GCNT1: variants seen among roughly 807,000 people sequenced by gnomAD.
GCNT1 encodes beta-1,3-galactosyl-O-glycosyl-glycoprotein beta-1,6-N-acetylglucosaminyltransferase.
A neutral mutation model predicts 26.2 loss-of-function variants in GCNT1; 16 were observed. The observed-to-expected ratio is 0.61, with a 90% CI of 0.41 to 0.93. The LOEUF (loss-of-function observed/expected upper bound fraction) is 0.93. Among genes scored for constraint, GCNT1 ranks in the 40% least tolerant of loss-of-function variants. The probability of loss-of-function intolerance (pLI) is 0.00; values close to 1 mark genes in which losing one functional copy is unlikely to be tolerated. For synonymous variants in GCNT1, 183 were observed against 190.8 expected (o/e 0.96, Z 0.34); for missense variants, 477 against 526.7 (o/e 0.91, Z 0.92).
intron 1 of GCNT1, among the ~76,000 whole-genome samples, chr9:76,425,148 A>C (rs1823244035): frequency 6.6e-6 from 1 of 150,852 alleles, no homozygotes; most frequent in African/African-American, 2.5e-5. Context: ...AAAAAAAAAA[A>C]AAAAAAAAAA....
the GCNT1 span, among the ~76,000 whole-genome samples, chr9:76,396,826 G>A: frequency 6.6e-6 from 1 of 152,182 alleles, no homozygotes; most frequent in Non-Finnish European, 1.5e-5. Flanking sequence ...GCAACAGAGC[G>A]AGACTCTGTC....
At chr9:76,429,703 T>G (rs1194139396) in intron 1 of GCNT1, among the ~76,000 whole-genome samples, 1 of 145,854 alleles carries the variant, frequency 6.9e-6, no homozygotes, top group African/African-American at 2.5e-5. Context: ...TTTTCAAGCC[T>G]CTGTTTTCTT....
At chr9:76,409,689 A>AAAGT in the GCNT1 span, among the ~76,000 whole-genome samples, 7 of 152,132 alleles carry the variant, frequency 4.6e-5, no homozygotes, top group African/African-American at 1.7e-4. Context: ...CAGGTGATCC[A>AAAGT]CCTGCCTCGA....
At chr9:76,469,100 T>C (rs1374059157) in intron 2 of GCNT1, among the ~76,000 whole-genome samples, 1 of 147,608 alleles carries the variant, frequency 6.8e-6, no homozygotes, top group Non-Finnish European at 1.5e-5. Context: ...ATGTGATTGG[T>C]GGATAGAGGA....
At chr9:76,475,597 C>G (rs909520041) in intron 2 of GCNT1, among the ~76,000 whole-genome samples, 1 of 151,926 alleles carries the variant, frequency 6.6e-6, no homozygotes, top group African/African-American at 2.4e-5. Context: ...GGAGACAAGC[C>G]TGAGACTTGA....
the GCNT1 span, among the ~76,000 whole-genome samples, chr9:76,400,116 T>C: frequency 6.6e-6 from 1 of 152,188 alleles, no homozygotes; most frequent in Non-Finnish European, 1.5e-5. Flanking sequence ...AGGGGATTTT[T>C]AGGGCAGTGA....
chr9:76,434,602 G>GA (rs552332434), intron 1 of GCNT1, among the ~76,000 whole-genome samples: 169 of 152,176 alleles, frequency 1.1e-3, no homozygotes, highest in African/African-American at 3.9e-3. Context: ...ATGTGTGTTT[G>GA]AAAAATATGA....
chr9:76,425,685 T>C (rs1263047240), intron 1 of GCNT1, among the ~76,000 whole-genome samples: 1 of 152,154 alleles, frequency 6.6e-6, no homozygotes, highest in Non-Finnish European at 1.5e-5. Flanking sequence ...GAGCTGGCTG[T>C]ATAGGAGACC....
At chr9:76,467,512 G>A (rs1824028751) in intron 2 of GCNT1, among the ~76,000 whole-genome samples, 1 of 152,088 alleles carries the variant, frequency 6.6e-6, no homozygotes, top group Non-Finnish European at 1.5e-5. Flanking sequence ...CTGACACCCA[G>A]GTCAAACTCT....
At chr9:76,500,729 C>T (rs112094847) in intron 2 of GCNT1, among the ~76,000 whole-genome samples, 187 bp from the exon 3 acceptor site, 1 of 151,904 alleles carries the variant, frequency 6.6e-6, no homozygotes, top group African/African-American at 2.4e-5. Flanking sequence ...CTTTAGCAAT[C>T]CACAAACATA....
rs893622199 is a variant in GCNT1, at chr9:76,505,394, ACT to A, written c.*1728_*1729del. ...CAAGAGGAACATGCTTGTTTTGAAA[ACT>A]CGAGATGATGAGGGTGGTACATGCA... On this transcript the variant is annotated 3_prime_UTR_variant, in exon 4 of 4. Coordinates refer to ENST00000376730, the MANE Select transcript of GCNT1 (RefSeq NM_001490.5). 1 of 167,318 alleles carries A rather than the reference ACT, an allele frequency of 6.0e-6. No homozygotes were observed. 10.4% of individuals were successfully genotyped at this position (167,318 alleles called of 1,614,324 possible).
chr9:76,416,283 C>T (rs2131566928), upstream of GCNT1, among the ~76,000 whole-genome samples: 1 of 152,320 alleles, frequency 6.6e-6, no homozygotes, highest in African/African-American at 2.4e-5. Flanking sequence ...CCCTTTCCAG[C>T]TGCCCATCCC....
intron 1 of GCNT1, among the ~76,000 whole-genome samples, chr9:76,427,583 A>T (rs1823274529): frequency 6.6e-6 from 1 of 152,208 alleles, no homozygotes; most frequent in Admixed American, 6.5e-5. Context: ...TTGACATATC[A>T]GTTATACTTT....
At chr9:76,405,370 A>G in the GCNT1 span, among the ~76,000 whole-genome samples, 1 of 134,378 alleles carries the variant, frequency 7.4e-6, no homozygotes, top group Non-Finnish European at 1.8e-5. Flanking sequence ...ACATGTTACA[A>G]CTGATATATG....
At chr9:76,464,034 TTTTG>T (rs1470543262) in intron 2 of GCNT1, among the ~76,000 whole-genome samples, 1 of 133,348 alleles carries the variant, frequency 7.5e-6, no homozygotes, top group African/African-American at 3.2e-5. Flanking sequence ...CCATCTCTTT[TTTTG>T]TTTTTTTTTT....
rs1421639764 is a variant in GCNT1 at position 76,502,649 on chromosome 9, C to T, written c.268C>T (p.Pro90Ser). Reference protein sequence around the residue: ...VKFKKRPRWTPDDYINMTSDC... With the variant: ...VKFKKRPRWTSDDYINMTSDC... The stretch of plus-strand genomic sequence containing the variant: ...ATTTAAAAAGCGCCCTCGGTGGACA[C>T]CTGACGACTATATAAACATGACCAG... The change falls in exon 4 of 4, where the codon CCT (proline) becomes TCT (serine). Residue 90 changes from proline to serine, a missense_variant. Transcript: ENST00000376730. 1 of 1,613,952 alleles carries T rather than the reference C, an allele frequency of 6.2e-7. No homozygotes were observed. Among genetic ancestry groups the T allele is most frequent in the African/African-American group, 1.3e-5 (1 of 74,874 alleles).
intron 1 of GCNT1, among the ~76,000 whole-genome samples, chr9:76,433,304 G>A (rs954165347): frequency 2.0e-5 from 3 of 152,206 alleles, no homozygotes; most frequent in East Asian, 1.9e-4. Context: ...CCTGTGGGCT[G>A]GAGTGGGGCA....
At chr9:76,487,373 C>A (rs1453362269) in intron 2 of GCNT1, among the ~76,000 whole-genome samples, 3 of 152,146 alleles carry the variant, frequency 2.0e-5, no homozygotes, top group African/African-American at 7.2e-5. Context: ...GAACAGTAGT[C>A]CTTGGAGAGT....
chr9:76,441,069 AAAAAC>A (rs1823477640), upstream of GCNT1, among the ~76,000 whole-genome samples: 1 of 149,680 alleles, frequency 6.7e-6, no homozygotes, highest in South Asian at 2.1e-4. Flanking sequence ...CATCTCAAAA[AAAAAC>A]AAAAAAACCT....
Sources: gnomAD v4.1 joint callset for allele counts (sites outside exome capture counted in the v4.1 genomes callset) on GRCh38, gnomAD v4.1.1 for gene constraint, MANE v1.5 for transcripts, NCBI Gene and HGNC (gene_info 2026-07-23, HGNC 2026-07-21) for gene names.